NKAIN2: variants seen among roughly 807,000 people sequenced by gnomAD.
NKAIN2 encodes sodium/potassium-transporting ATPase subunit beta-1-interacting protein 2.
In NKAIN2, 14 loss-of-function variants were observed where a neutral mutation model predicts 32.6. That is an observed-to-expected ratio of 0.43 (90% CI 0.28 to 0.67). The LOEUF (loss-of-function observed/expected upper bound fraction) is 0.67, where lower values mean the gene tolerates loss of function less well. Ranked by LOEUF, NKAIN2 falls within the 30% of genes least tolerant of loss-of-function variation. The pLI is 0.17. For missense variants in NKAIN2, 198 were observed against 258.3 expected (o/e 0.77, Z 1.60); for synonymous variants, 80 against 87.2 (o/e 0.92, Z 0.46).
rs149647469 is a variant in NKAIN2, at chr6:123,831,990, C to T, written c.54+27736C>T. Among the ~76,000 whole-genome samples the T allele has an allele frequency of 2.6e-3, 399 of 152,282 alleles. 1 individual carries two copies. The highest frequency in any genetic ancestry group is 9.2e-3 in the African/African-American group (383 of 41,566). On this transcript the variant is annotated intron_variant, in intron 1 of 6. Transcript: ENST00000368417. Reference sequence around the variant, plus strand: ...AGCCTGTATTGACACATTGTAATCCCTGAATCCGTTTTCATTAGGGTTCCC... The same window carrying T: ...AGCCTGTATTGACACATTGTAATCCTTGAATCCGTTTTCATTAGGGTTCCC...
intron 3 of NKAIN2, among the ~76,000 whole-genome samples, chr6:124,393,216 G>T (rs1773218746): frequency 6.6e-6 from 1 of 152,148 alleles, no homozygotes; most frequent in Non-Finnish European, 1.5e-5. Context: ...ACATTTAAGT[G>T]TGTGAAATTA....
chr6:124,630,833 C>A (rs1482548614), intron 3 of NKAIN2, among the ~76,000 whole-genome samples: 2 of 152,012 alleles, frequency 1.3e-5, no homozygotes, highest in Admixed American at 6.6e-5. Flanking sequence ...CAATGTAGCA[C>A]CAGGGAAAAT....
intron 1 of NKAIN2, among the ~76,000 whole-genome samples, chr6:123,895,524 G>C (rs1298552657): frequency 1.3e-5 from 2 of 150,882 alleles, no homozygotes; most frequent in Non-Finnish European, 2.9e-5. Context: ...CTATGAATCA[G>C]CTGTCCATCC....
intron 3 of NKAIN2, among the ~76,000 whole-genome samples, chr6:124,525,276 A>T (rs934265316): frequency 6.6e-6 from 1 of 152,152 alleles, no homozygotes; most frequent in African/African-American, 2.4e-5. Flanking sequence ...TCTATCTTAT[A>T]TAGGCAGCGG....
intron 4 of NKAIN2, among the ~76,000 whole-genome samples, chr6:124,662,666 G>A (rs1197824250): frequency 2.0e-5 from 3 of 152,188 alleles, no homozygotes; most frequent in South Asian, 2.1e-4. Flanking sequence ...TGAGGATACC[G>A]TTAGTGAAGA....
chr6:124,086,837 C>T (rs183827904), intron 1 of NKAIN2, among the ~76,000 whole-genome samples: 1 of 151,820 alleles, frequency 6.6e-6, no homozygotes, highest in Non-Finnish European at 1.5e-5. Flanking sequence ...GTGGTTTCTA[C>T]AAAACATTTA....
At chr6:124,437,322 T>C (rs1284015086) in intron 3 of NKAIN2, among the ~76,000 whole-genome samples, 1 of 152,216 alleles carries the variant, frequency 6.6e-6, no homozygotes, top group East Asian at 1.9e-4. Flanking sequence ...CAAGAAATAT[T>C]TGAGGAATTA....
chr6:124,411,850 G>A (rs183212128), intron 3 of NKAIN2, among the ~76,000 whole-genome samples: 45 of 152,230 alleles, frequency 3.0e-4, no homozygotes, highest in African/African-American at 1.0e-3. Flanking sequence ...TTTTCACGTA[G>A]TTCCATATTT....
chr6:123,943,112 A>G (rs763190844), intron 1 of NKAIN2, among the ~76,000 whole-genome samples: 1 of 152,040 alleles, frequency 6.6e-6, no homozygotes, highest in East Asian at 1.9e-4. Context: ...ACACGTTTCT[A>G]TCAAGAGTAG....
intron 3 of NKAIN2, among the ~76,000 whole-genome samples, chr6:124,622,042 A>C (rs1349650606): frequency 6.6e-6 from 1 of 152,194 alleles, no homozygotes; most frequent in Non-Finnish European, 1.5e-5. Context: ...TTTGTGGCTT[A>C]AAAGGACATA....
intron 4 of NKAIN2, among the ~76,000 whole-genome samples, chr6:124,740,475 G>GTGTGT: frequency 1.5e-5 from 1 of 65,146 alleles, no homozygotes; most frequent in South Asian, 5.6e-4. Flanking sequence ...TGTGTGTGTG[G>GTGTGT]TGATAGGTGC....
intron 4 of NKAIN2, among the ~76,000 whole-genome samples, chr6:124,708,785 C>G (rs1340193392): frequency 2.1e-4 from 32 of 151,266 alleles, no homozygotes; most frequent in East Asian, 1.8e-3. Flanking sequence ...CGTCTGCAAA[C>G]AGGGACAATT....
intron 3 of NKAIN2, among the ~76,000 whole-genome samples, chr6:124,580,397 T>C (rs1781477060): frequency 6.6e-6 from 1 of 152,172 alleles, no homozygotes; most frequent in African/African-American, 2.4e-5. Flanking sequence ...TTTTTGTTCA[T>C]CTATTAGTTG....
At chr6:124,270,498 T>C (rs1794708471) in intron 1 of NKAIN2, among the ~76,000 whole-genome samples, 1 of 152,218 alleles carries the variant, frequency 6.6e-6, no homozygotes, top group Non-Finnish European at 1.5e-5. Context: ...AATATGATTC[T>C]GCTGTTAAAA....
chr6:124,499,865 G>T (rs1241776517), intron 3 of NKAIN2, among the ~76,000 whole-genome samples: 2 of 152,208 alleles, frequency 1.3e-5, no homozygotes. Flanking sequence ...CCTACTTGGA[G>T]TTGGACAGGA....
chr6:123,947,823 C>G (rs907105283), intron 1 of NKAIN2, among the ~76,000 whole-genome samples: 2 of 151,914 alleles, frequency 1.3e-5, no homozygotes, highest in Admixed American at 1.3e-4. Context: ...CTATAGTCAC[C>G]CTACTCTGCT....
intron 1 of NKAIN2, among the ~76,000 whole-genome samples, chr6:124,156,570 G>A (rs1033858056): frequency 6.6e-6 from 1 of 152,144 alleles, no homozygotes; most frequent in African/African-American, 2.4e-5. Context: ...GAAACATAGA[G>A]TGGGAGGATC....
At chr6:123,983,487 G>A (rs1778991837) in intron 1 of NKAIN2, among the ~76,000 whole-genome samples, 1 of 152,164 alleles carries the variant, frequency 6.6e-6, no homozygotes, top group Non-Finnish European at 1.5e-5. Flanking sequence ...GAGCTAGAAA[G>A]AGACTTATGT....
At chr6:124,805,981 G>A (rs1780531765) in intron 5 of NKAIN2, among the ~76,000 whole-genome samples, 1 of 152,160 alleles carries the variant, frequency 6.6e-6, no homozygotes. Flanking sequence ...AAGAAATATG[G>A]GACTATGTGA....
Sources: gnomAD v4.1 joint callset for allele counts (sites outside exome capture counted in the v4.1 genomes callset) on GRCh38, gnomAD v4.1.1 for gene constraint, MANE v1.5 for transcripts, NCBI Gene and HGNC (gene_info 2026-07-23, HGNC 2026-07-21) for gene names.